The following MAMDC2 variants were observed in gnomAD, a reference collection of about 807,000 sequenced individuals.
The protein encoded by MAMDC2 is MAM domain-containing protein 2.
In MAMDC2, 57 loss-of-function variants were observed where a neutral mutation model predicts 89.8. The ratio of observed to expected loss-of-function variants is 0.63; its 90% CI spans 0.51 to 0.79. The LOEUF (loss-of-function observed/expected upper bound fraction) is 0.79. Among genes scored for constraint, MAMDC2 ranks in the 30% least tolerant of loss-of-function variants. The probability of loss-of-function intolerance (pLI) is 0.00; values close to 1 mark genes in which losing one functional copy is unlikely to be tolerated. For synonymous variants in MAMDC2, 313 were observed against 293.4 expected (o/e 1.07, Z -0.68); for missense variants, 800 against 820.6 (o/e 0.97, Z 0.31).
intron 2 of MAMDC2, among the ~76,000 whole-genome samples, chr9:70,050,608 A>G (rs1203738338): frequency 6.6e-6 from 1 of 152,248 alleles, no homozygotes; most frequent in Non-Finnish European, 1.5e-5. Context: ...TGAGCACTTT[A>G]TACATGTAAC....
At chr9:70,100,347 A>G (rs1828153157) in intron 2 of MAMDC2, among the ~76,000 whole-genome samples, 1 of 152,232 alleles carries the variant, frequency 6.6e-6, no homozygotes, top group Non-Finnish European at 1.5e-5. Flanking sequence ...AGTTGATGTG[A>G]TAGCCACATT....
At chr9:70,213,994 G>A (rs557972367) in intron 11 of MAMDC2, among the ~76,000 whole-genome samples, 1 of 152,228 alleles carries the variant, frequency 6.6e-6, no homozygotes, top group South Asian at 2.1e-4. Flanking sequence ...GGGAAAAAAT[G>A]CATTCATTCA....
intron 11 of MAMDC2, among the ~76,000 whole-genome samples, chr9:70,197,221 G>C (rs999202990): frequency 6.6e-6 from 1 of 152,076 alleles, no homozygotes; most frequent in African/African-American, 2.4e-5. Context: ...TATTACAGAT[G>C]CAATAACATT....
Position 70,044,676 on chromosome 9 carries a change from C to T in MAMDC2, c.127C>T (p.Pro43Ser). ...CTTTGACTCCGTGTTGGCCTCTCTGCCGTGGATTTTAAATGAGGAAGGTAA... is the reference window on the plus strand; with the variant it reads ...CTTTGACTCCGTGTTGGCCTCTCTGTCGTGGATTTTAAATGAGGAAGGTAA... ...CGFDSVLASL[P>S]WILNEEGHYI... The change falls in exon 2 of 14, where the codon CCG (proline) becomes TCG (serine). Residue 43 changes from proline to serine, a missense_variant. By Grantham distance (74) the Pro-to-Ser change is moderately conservative (BLOSUM62 -1). Transcript: ENST00000377182. 1 of 1,551,610 alleles carries T rather than the reference C, an allele frequency of 6.4e-7. No individual in the cohort carries two copies. The highest frequency in any genetic ancestry group is 8.7e-7 in the Non-Finnish European group (1 of 1,146,940).
chr9:70,079,891 G>T (rs898724652), intron 2 of MAMDC2, among the ~76,000 whole-genome samples: 7 of 152,086 alleles, frequency 4.6e-5, no homozygotes, highest in Admixed American at 2.0e-4. Flanking sequence ...ATGTGCAGCT[G>T]CAGTCGATTA....
intron 2 of MAMDC2, among the ~76,000 whole-genome samples, chr9:70,095,904 A>T (rs896087120): frequency 6.6e-6 from 1 of 152,096 alleles, no homozygotes; most frequent in African/African-American, 2.4e-5. Context: ...TTTACATCCC[A>T]CTCACAGTGA....
chr9:70,104,894 T>A (rs995401126), intron 2 of MAMDC2, among the ~76,000 whole-genome samples: 2 of 152,192 alleles, frequency 1.3e-5, no homozygotes, highest in African/African-American at 4.8e-5. Context: ...ATGAACATGC[T>A]AAAAACCTCT....
chr9:70,114,110 C>T (rs985267994), intron 5 of MAMDC2, among the ~76,000 whole-genome samples: 3 of 151,058 alleles, frequency 2.0e-5, no homozygotes, highest in African/African-American at 7.3e-5. Context: ...CAAAAGTGCT[C>T]ATCCTTCAGC....
At chr9:70,095,425 AGGAAT>A (rs1828004854) in intron 2 of MAMDC2, among the ~76,000 whole-genome samples, 1 of 152,224 alleles carries the variant, frequency 6.6e-6, no homozygotes, top group Non-Finnish European at 1.5e-5. Flanking sequence ...AGGAACTTGA[AGGAAT>A]GGTTGACTTT....
chr9:70,060,203 C>G (rs1003760356), intron 2 of MAMDC2, among the ~76,000 whole-genome samples: 2 of 152,176 alleles, frequency 1.3e-5, no homozygotes, highest in African/African-American at 4.8e-5. Flanking sequence ...GAATCCCTCT[C>G]ACTTGTGTCA....
intron 11 of MAMDC2, among the ~76,000 whole-genome samples, chr9:70,209,549 TATCTATCTA>T (rs919311649): frequency 6.7e-6 from 1 of 150,188 alleles, no homozygotes; most frequent in Non-Finnish European, 1.5e-5. Flanking sequence ...GCGGTCTATC[TATCTATCTA>T]TTTTATTGAT....
chr9:70,055,042 C>T (rs546066206), intron 2 of MAMDC2, among the ~76,000 whole-genome samples: 1 of 151,900 alleles, frequency 6.6e-6, no homozygotes, highest in Non-Finnish European at 1.5e-5. Context: ...TTAGCGAGAC[C>T]CTGTCTCTTT....
chr9:70,217,466 T>C (rs1285612884), intron 11 of MAMDC2: 4 of 1,424,994 alleles, frequency 2.8e-6, no homozygotes, highest in South Asian at 2.3e-5. Flanking sequence ...GCTGATATAA[T>C]GGCCAAGAGG....
chr9:70,098,216 G>C (rs1828076570), intron 2 of MAMDC2, among the ~76,000 whole-genome samples: 1 of 152,224 alleles, frequency 6.6e-6, no homozygotes, highest in African/African-American at 2.4e-5. Flanking sequence ...TGGACCACCA[G>C]TGCTGCCCTT....
chr9:70,065,701 G>A (rs1827248497), intron 2 of MAMDC2, among the ~76,000 whole-genome samples: 1 of 151,772 alleles, frequency 6.6e-6, no homozygotes, highest in Non-Finnish European at 1.5e-5. Flanking sequence ...TCCCTGGCCT[G>A]GTCATTGGGT....
chr9:70,074,741 A>G (rs1827491761), intron 2 of MAMDC2, among the ~76,000 whole-genome samples: 1 of 152,240 alleles, frequency 6.6e-6, no homozygotes, highest in African/African-American at 2.4e-5. Context: ...TAACATGGCA[A>G]ATAAAAATCA....
At position 70,218,510 on chromosome 9, in the gene MAMDC2, G is replaced by A; in HGVS notation, c.1825G>A (p.Glu609Lys). ...VYLKKEEDSEESLLWRRRGEQ... is the reference protein window; with the variant it reads ...VYLKKEEDSEKSLLWRRRGEQ... ...TCTGAAAAAGGAAGAAGACAGTGAAGAGTCCCTCTTATGGAGGAGAAGAGG... is the reference window on the plus strand; with the variant it reads ...TCTGAAAAAGGAAGAAGACAGTGAAAAGTCCCTCTTATGGAGGAGAAGAGG... The change falls in exon 12 of 14, where the codon GAG becomes AAG. Residue 609 changes from glutamate (E) to lysine (K), a missense_variant. Glu to Lys is a moderately conservative substitution (Grantham distance 56). Coordinates refer to ENST00000377182, the MANE Select transcript of MAMDC2 (RefSeq NM_153267.5). The A allele has an allele frequency of 5.0e-6, 8 of 1,614,210 alleles. No homozygotes were observed. The highest frequency in any genetic ancestry group is 6.8e-6 in the Non-Finnish European group (8 of 1,180,032).
intron 11 of MAMDC2, among the ~76,000 whole-genome samples, chr9:70,187,110 T>A (rs1927143): frequency 0.83 from 126,197 of 151,894 alleles, 52,591 homozygotes; most frequent in Admixed American, 0.88. Flanking sequence ...ATTTCTTTAA[T>A]CTTTGAGCTG....
At chr9:70,208,242 T>C (rs2033272355) in intron 11 of MAMDC2, among the ~76,000 whole-genome samples, 1 of 152,222 alleles carries the variant, frequency 6.6e-6, no homozygotes, top group Non-Finnish European at 1.5e-5. Flanking sequence ...ATTTTCATGA[T>C]ATTGATTCTT....
Sources: allele counts gnomAD v4.1 joint callset (sites outside exome capture counted in the v4.1 genomes callset), GRCh38; gene constraint gnomAD v4.1.1; transcripts MANE v1.5; gene names NCBI Gene and HGNC (gene_info 2026-07-23, HGNC 2026-07-21).